The following PPFIA2 variants were observed in gnomAD, a reference collection of about 807,000 sequenced individuals.
PPFIA2 encodes the protein liprin-alpha-2.
PPFIA2 carries 46 observed loss-of-function variants against 175.5 expected under a neutral mutation model. The ratio of observed to expected loss-of-function variants is 0.26; its 90% CI spans 0.21 to 0.34. PPFIA2 has a LOEUF of 0.34. Ranked by LOEUF, PPFIA2 falls within the 10% of genes least tolerant of loss-of-function variation. PPFIA2 has a pLI of 1.00. For missense variants in PPFIA2, 1,179 were observed against 1,506.1 expected (o/e 0.78, Z 3.60); for synonymous variants, 568 against 511.4 (o/e 1.11, Z -1.49).
intron 11 of PPFIA2, chr12:81,369,573 C>T: frequency 3.6e-6 from 2 of 551,278 alleles, no homozygotes; most frequent in East Asian, 9.4e-5. Flanking sequence ...AAAAGAAAAA[C>T]TTAGATGGAT....
intron 3 of PPFIA2, among the ~76,000 whole-genome samples, chr12:81,697,630 T>A (rs1238334373): frequency 6.6e-6 from 1 of 152,146 alleles, no homozygotes; most frequent in Non-Finnish European, 1.5e-5. Flanking sequence ...ATAGCATAGT[T>A]TTCCTTAGTA....
intron 15 of PPFIA2, among the ~76,000 whole-genome samples, chr12:81,360,534 A>G (rs899542238): frequency 4.0e-5 from 6 of 151,458 alleles, no homozygotes; most frequent in Non-Finnish European, 8.9e-5. Context: ...CTTTGTAGTC[A>G]CTCTGGAACT....
chr12:81,366,626 C>A (rs1384361460), intron 14 of PPFIA2, among the ~76,000 whole-genome samples: 2 of 151,714 alleles, frequency 1.3e-5, no homozygotes, highest in African/African-American at 2.4e-5. Context: ...GGGCTGTGTT[C>A]TCTCTCCTCA....
Position 81,433,776 on chromosome 12 carries a change from T to A in PPFIA2, c.645+6196A>T, listed in dbSNP as rs527913326. On this transcript the variant is annotated intron_variant, in intron 7 of 32. Transcript: ENST00000549396. The stretch of plus-strand genomic sequence containing the variant: ...AGAGGTTCATATCACTGTTACTGAG[T>A]GAAATAAATATAAAGGAGAGAGATG... 1.1e-4 allele frequency among the ~76,000 whole-genome samples: 17 copies of A among 152,150 alleles called. No individual in the cohort carries two copies. In the South Asian group the frequency reaches 3.3e-3, roughly 30 times the overall value.
intron 3 of PPFIA2, among the ~76,000 whole-genome samples, chr12:81,721,068 G>A (rs113641885): frequency 0.031 from 4,600 of 147,834 alleles, 103 homozygotes; most frequent in Non-Finnish European, 0.045. Context: ...GAATGATAGC[G>A]TCCTAGCTAA....
intron 8 of PPFIA2, among the ~76,000 whole-genome samples, chr12:81,389,376 T>C (rs2039676282): frequency 1.3e-5 from 2 of 151,868 alleles, no homozygotes; most frequent in Admixed American, 6.6e-5. Flanking sequence ...TAACTAACTA[T>C]AGATAGTAAT....
intron 30 of PPFIA2, among the ~76,000 whole-genome samples, chr12:81,264,236 C>T (rs2136177252): frequency 6.6e-6 from 1 of 152,258 alleles, no homozygotes; most frequent in African/African-American, 2.4e-5. Flanking sequence ...TGTAGCATAG[C>T]AATTACATTT....
At chr12:81,576,132 C>G (rs1255387742) in intron 4 of PPFIA2, among the ~76,000 whole-genome samples, 1 of 151,488 alleles carries the variant, frequency 6.6e-6, no homozygotes, top group Admixed American at 6.6e-5. Flanking sequence ...TGAAGGGAAG[C>G]TGGTGTGGTC....
intron 22 of PPFIA2, among the ~76,000 whole-genome samples, chr12:81,315,208 T>C (rs1303420047): frequency 1.3e-5 from 2 of 151,772 alleles, no homozygotes; most frequent in Non-Finnish European, 1.5e-5. Context: ...ACAACACTAA[T>C]GAAAGAAAAC....
Position 81,375,782 on chromosome 12 carries a change from C to G in PPFIA2, c.1131+14G>C, listed in dbSNP as rs2036230845. ...CGCACAGACCAGAAGAAAACCAAGA[C>G]AGAGATACTGAACCTGCCGCAGGAT... On this transcript the variant is annotated intron_variant, in intron 10 of 32. Transcript: ENST00000549396. 1.3e-6 allele frequency: 2 copies of G among 1,595,344 alleles called. No individual in the cohort carries two copies. The highest frequency in any genetic ancestry group is 1.7e-6 in the Non-Finnish European group (2 of 1,164,688).
rs968921385 is a variant in PPFIA2 at position 81,556,303 on chromosome 12, T to C, written c.304-98437A>G. Among the ~76,000 whole-genome samples, 3 of 151,906 alleles carry C rather than the reference T, an allele frequency of 2.0e-5. No homozygotes were observed. In the East Asian group the frequency reaches 5.8e-4, roughly 29 times the overall value. On this transcript the variant is annotated intron_variant, in intron 4 of 32. Transcript: ENST00000549396. ...AATTAATCAGATGAATACATAAAAG[T>C]TTATGGCTGTCAATTGAATAATACT... is the stretch of plus-strand genomic sequence containing the variant.
chr12:81,654,932 C>T (rs779358797), intron 4 of PPFIA2, among the ~76,000 whole-genome samples: 1 of 151,970 alleles, frequency 6.6e-6, no homozygotes, highest in Non-Finnish European at 1.5e-5. Context: ...CTGGTGAAGC[C>T]ATTTGGTCCT....
At chr12:81,402,162 C>G (rs1289571012) in intron 8 of PPFIA2, among the ~76,000 whole-genome samples, 1 of 152,070 alleles carries the variant, frequency 6.6e-6, no homozygotes, top group African/African-American at 2.4e-5. Context: ...AAAGGGTAAT[C>G]CTTCCAACTA....
chr12:81,566,796 C>G (rs183443316), intron 4 of PPFIA2, among the ~76,000 whole-genome samples: 1 of 152,172 alleles, frequency 6.6e-6, no homozygotes, highest in Admixed American at 6.5e-5. Context: ...TGTATTTATA[C>G]AAGATACATG....
chr12:81,664,281 A>G (rs1396805823), intron 4 of PPFIA2, among the ~76,000 whole-genome samples: 1 of 152,124 alleles, frequency 6.6e-6, no homozygotes, highest in African/African-American at 2.4e-5. Context: ...AATTTTTGCA[A>G]TCTACTCATC....
chr12:81,441,097 C>T (rs569700916), intron 6 of PPFIA2, among the ~76,000 whole-genome samples: 1 of 151,170 alleles, frequency 6.6e-6, no homozygotes. Flanking sequence ...GTATTTTTCT[C>T]CTCTAATAAG....
intron 3 of PPFIA2, among the ~76,000 whole-genome samples, chr12:81,729,905 A>G (rs112078750): frequency 3.2e-4 from 49 of 151,654 alleles, no homozygotes; most frequent in African/African-American, 1.1e-3. Flanking sequence ...CCACAACCGC[A>G]AGGATTGAAT....
chr12:81,532,955 A>C (rs1418367237), intron 4 of PPFIA2, among the ~76,000 whole-genome samples: 1 of 141,450 alleles, frequency 7.1e-6, no homozygotes, highest in Non-Finnish European at 1.5e-5. Context: ...TTCATTTAAC[A>C]AATATCATTT....
chr12:81,481,110 G>C lies in PPFIA2; in HGVS notation c.304-23244C>G, dbSNP rs182041354. On this transcript the variant is annotated intron_variant, in intron 4 of 32. Coordinates refer to ENST00000549396, the MANE Select transcript of PPFIA2 (RefSeq NM_003625.5). ...TATACACCAATAATAGAGAAACAGA[G>C]AGCCAAATCATGAGTGAACTACCAT... 2.1e-3 allele frequency among the ~76,000 whole-genome samples: 313 copies of C among 152,238 alleles called. 2 individuals are homozygous for C. The highest frequency in any genetic ancestry group is 3.4e-3 in the Middle Eastern group (1 of 294).
Sources: gnomAD v4.1 joint callset for allele counts (sites outside exome capture counted in the v4.1 genomes callset) on GRCh38, gnomAD v4.1.1 for gene constraint, MANE v1.5 for transcripts, NCBI Gene and HGNC (gene_info 2026-07-23, HGNC 2026-07-21) for gene names.